The following EIPR1 variants were observed in gnomAD, a reference collection of about 807,000 sequenced individuals.
EIPR1 encodes EARP complex and GARP complex interacting protein 1, also known as EARP and GARP complex-interacting protein 1.
A neutral mutation model predicts 48.1 loss-of-function variants in EIPR1; 25 were observed. The observed-to-expected ratio is 0.52, with a 90% CI of 0.38 to 0.73. The LOEUF is 0.73. EIPR1 is among the 30% of genes least tolerant of loss of function. The pLI, the probability that EIPR1 is intolerant of heterozygous loss-of-function variation, is 0.00. For missense variants in EIPR1, 415 were observed against 506.2 expected (o/e 0.82, Z 1.73); for synonymous variants, 204 against 201.9 (o/e 1.01, Z -0.09).
chr2:3,192,359 G>A, intron 8 of EIPR1, 55 bp downstream of exon 8: 2 of 1,508,424 alleles, frequency 1.3e-6, no homozygotes, highest in Non-Finnish European at 1.8e-6. Flanking sequence ...GGAGATGGCT[G>A]TGCAGACAGG....
chr2:3,324,038 G>A (rs1163701277), intron 3 of EIPR1, among the ~76,000 whole-genome samples: 2 of 152,166 alleles, frequency 1.3e-5, no homozygotes, highest in African/African-American at 4.8e-5. Flanking sequence ...ACAGAACAAC[G>A]ATTTAAGAAA....
At chr2:3,245,709 C>T (rs1300955767) in intron 4 of EIPR1, among the ~76,000 whole-genome samples, 3 of 152,218 alleles carry the variant, frequency 2.0e-5, no homozygotes, top group Non-Finnish European at 4.4e-5. Flanking sequence ...TGAGGCACTT[C>T]ACACCTAAGC....
chr2:3,263,899 C>T (rs911150496), intron 3 of EIPR1, among the ~76,000 whole-genome samples: 2 of 152,198 alleles, frequency 1.3e-5, no homozygotes, highest in African/African-American at 4.8e-5. Context: ...TATGTGTATA[C>T]ATTGTGGAAT....
chr2:3,245,189 CGTT>C (rs1572348671), intron 4 of EIPR1, among the ~76,000 whole-genome samples: 2 of 28,144 alleles, frequency 7.1e-5, no homozygotes, highest in East Asian at 5.6e-3. Flanking sequence ...TTTACTTTAC[CGTT>C]GCGTTGCGTT....
chr2:3,333,226 C>T (rs573564036), intron 3 of EIPR1, among the ~76,000 whole-genome samples: 53 of 152,322 alleles, frequency 3.5e-4, no homozygotes, highest in African/African-American at 1.3e-3. Context: ...CATGTGCTTG[C>T]GTGCACAAGA....
intron 3 of EIPR1, among the ~76,000 whole-genome samples, chr2:3,264,377 CATTAGCACTGATG>C (rs150365559): frequency 8.4e-4 from 128 of 152,332 alleles, no homozygotes; most frequent in Non-Finnish European, 1.5e-3. Context: ...TCATCCGGCT[CATTAGCACTGATG>C]GATAGGCAGG....
intron 1 of EIPR1, among the ~76,000 whole-genome samples, chr2:3,370,571 T>C (rs1671090208): frequency 6.6e-6 from 1 of 151,998 alleles, no homozygotes; most frequent in Admixed American, 6.5e-5. Context: ...AAGCCAAGGC[T>C]CGAGAACTAT....
intron 3 of EIPR1, chr2:3,282,577 G>A (rs1370431216): frequency 6.6e-6 from 1 of 152,250 alleles, no homozygotes; most frequent in Non-Finnish European, 1.5e-5. Context: ...CGGCCGCACG[G>A]GCTGCTGCGC....
At chr2:3,201,941 T>C (rs1665049940) in intron 5 of EIPR1, among the ~76,000 whole-genome samples, 1 of 152,140 alleles carries the variant, frequency 6.6e-6, no homozygotes. Context: ...TTTTTTATTA[T>C]TTATTTATTT....
At position 3,245,927 on chromosome 2, in the gene EIPR1, C is replaced by T. The variant is rs1341693191; in HGVS notation, c.416+11372G>A. ...TTTAGAAATTAAGACCTCATCTCTA[C>T]ATAAAATTTAAAAATTAGCCAGGCA... On this transcript the variant is annotated intron_variant, in intron 4 of 8. Coordinates refer to ENST00000382125, the MANE Select transcript of EIPR1 (RefSeq NM_003310.5). 2.6e-5 allele frequency among the ~76,000 whole-genome samples: 4 copies of T among 152,154 alleles called. No homozygotes were observed. The South Asian group carries it at 6.2e-4, about 24-fold the overall frequency.
intron 1 of EIPR1, among the ~76,000 whole-genome samples, chr2:3,364,354 G>T (rs1180478216): frequency 6.6e-6 from 1 of 152,174 alleles, no homozygotes; most frequent in Admixed American, 6.5e-5. Context: ...AAATTGCCAT[G>T]GACAGTGGCT....
chr2:3,339,346 CA>C (rs1338011207), intron 2 of EIPR1, among the ~76,000 whole-genome samples: 1 of 152,202 alleles, frequency 6.6e-6, no homozygotes, highest in Non-Finnish European at 1.5e-5. Flanking sequence ...GCGCACTCTG[CA>C]ATACGTTTGC....
chr2:3,218,228 T>C (rs1363495468), intron 4 of EIPR1, among the ~76,000 whole-genome samples: 1,400 of 58,324 alleles, frequency 0.024, no homozygotes, highest in East Asian at 0.032. Context: ...AGGTGCACAC[T>C]CAACACGACC....
chr2:3,369,117 T>C (rs962629648), intron 1 of EIPR1, among the ~76,000 whole-genome samples: 1 of 152,258 alleles, frequency 6.6e-6, no homozygotes, highest in Admixed American at 6.5e-5. Flanking sequence ...TCCATGATAC[T>C]ATCCGATAAA....
chr2:3,208,392 C>T (rs1030185826), intron 5 of EIPR1: 39 of 1,404,682 alleles, frequency 2.8e-5, no homozygotes, highest in Non-Finnish European at 3.4e-5. Context: ...ACCTGACCCA[C>T]AGCCCCAGAT....
chr2:3,229,769 T>C (rs532231194), intron 4 of EIPR1, among the ~76,000 whole-genome samples: 45 of 152,366 alleles, frequency 3.0e-4, no homozygotes, highest in African/African-American at 9.4e-4. Flanking sequence ...TTAACGTCTG[T>C]TCATTACTTT....
At chr2:3,224,307 C>T (rs1665989205) in intron 4 of EIPR1, among the ~76,000 whole-genome samples, 1 of 152,224 alleles carries the variant, frequency 6.6e-6, no homozygotes, top group African/African-American at 2.4e-5. Context: ...AAGTCAGCTT[C>T]AACCCTGCCG....
chr2:3,220,972 T>A (rs76207545), intron 4 of EIPR1, among the ~76,000 whole-genome samples: 6,210 of 38,950 alleles, frequency 0.16, 2,008 homozygotes, highest in East Asian at 0.42. Flanking sequence ...ACGATGACCA[T>A]GGTACACTCT....
chr2:3,367,970 G>A (rs62119532), intron 1 of EIPR1, among the ~76,000 whole-genome samples: 24,525 of 152,150 alleles, frequency 0.16, 2,214 homozygotes, highest in Non-Finnish European at 0.21. Flanking sequence ...GCGTGAACCC[G>A]GGAGGCGGAG....
Sources: allele counts gnomAD v4.1 joint callset (sites outside exome capture counted in the v4.1 genomes callset), GRCh38; gene constraint gnomAD v4.1.1; transcripts MANE v1.5; gene names NCBI Gene and HGNC (gene_info 2026-07-23, HGNC 2026-07-21).